The following C2orf76 variants were observed in gnomAD, a reference collection of about 807,000 sequenced individuals.
C2orf76 encodes UPF0538 protein C2orf76.
Under a neutral mutation model 16.9 loss-of-function variants are expected in C2orf76, and 23 were observed. That is an observed-to-expected ratio of 1.36 (90% CI 0.98 to 1.93). C2orf76 has a LOEUF of 1.93. Ranked by LOEUF, C2orf76 falls within the 30% of genes most tolerant of loss-of-function variation. The pLI, the probability that C2orf76 is intolerant of heterozygous loss-of-function variation, is 0.00. For synonymous variants in C2orf76, 48 were observed against 52.3 expected, an observed-to-expected ratio of 0.92 and a Z score of 0.35; for missense variants, 152 against 152.6, an observed-to-expected ratio of 1.00 and a Z score of 0.02.
At chr2:119,315,407 G>C (rs1679137610) in intron 4 of C2orf76, among the ~76,000 whole-genome samples, 1 of 152,150 alleles carries the variant, frequency 6.6e-6, no homozygotes, top group Admixed American at 6.6e-5. Context: ...AGCTGACGAA[G>C]GAGATTAAAA....
intron 5 of C2orf76, among the ~76,000 whole-genome samples, chr2:119,304,722 TG>T (rs1393200379): frequency 1.3e-5 from 2 of 152,220 alleles, no homozygotes; most frequent in African/African-American, 2.4e-5. Flanking sequence ...AAACATTAAA[TG>T]GGTTTTAAAT....
At chr2:119,317,368 G>T in intron 4 of C2orf76, 98 bp downstream of exon 4, 1 of 830,518 alleles carries the variant, frequency 1.2e-6, no homozygotes, top group South Asian at 2.9e-5. Context: ...ATTATAATGG[G>T]AAATATTTTA....
At chr2:119,360,558 T>C (rs1680713946) in intron 1 of C2orf76, among the ~76,000 whole-genome samples, 1 of 151,092 alleles carries the variant, frequency 6.6e-6, no homozygotes. Context: ...ACTATACGTA[T>C]AGTGTAAACA....
intron 2 of C2orf76, among the ~76,000 whole-genome samples, chr2:119,323,953 T>C (rs1053312005): frequency 3.9e-5 from 6 of 152,224 alleles, no homozygotes; most frequent in Admixed American, 1.3e-4. Flanking sequence ...GCCTGCCAGA[T>C]ACCAATTTGA....
chr2:119,348,046 C>CAAA (rs1205382710), intron 1 of C2orf76, among the ~76,000 whole-genome samples: 33 of 81,922 alleles, frequency 4.0e-4, no homozygotes, highest in African/African-American at 8.4e-4. Flanking sequence ...GGCTCTGTCT[C>CAAA]AAAAAAAAAA....
At chr2:119,348,581 G>A (rs1680280463) in intron 1 of C2orf76, among the ~76,000 whole-genome samples, 1 of 152,170 alleles carries the variant, frequency 6.6e-6, no homozygotes, top group Non-Finnish European at 1.5e-5. Context: ...AGCTACTCGG[G>A]AGGCTGAGGA....
At chr2:119,325,116 G>A (rs1009331232) in intron 2 of C2orf76, among the ~76,000 whole-genome samples, 5 of 151,746 alleles carry the variant, frequency 3.3e-5, no homozygotes, top group African/African-American at 1.2e-4. Context: ...CAGGAGGATC[G>A]CTTAAGTCCG....
chr2:119,304,027 A>G (rs989258519), intron 5 of C2orf76, among the ~76,000 whole-genome samples: 3 of 152,340 alleles, frequency 2.0e-5, no homozygotes, highest in Middle Eastern at 3.4e-3. Context: ...ACTCCTCCAC[A>G]CTTGGAATCA....
intron 4 of C2orf76, among the ~76,000 whole-genome samples, 192 bp downstream of exon 4, chr2:119,317,274 C>G (rs569018512): frequency 6.6e-6 from 1 of 151,766 alleles, no homozygotes; most frequent in Non-Finnish European, 1.5e-5. Flanking sequence ...TAAAAAGGAC[C>G]TACTACTAAC....
At chr2:119,345,522 A>G (rs1033087656) in intron 1 of C2orf76, among the ~76,000 whole-genome samples, 2 of 152,224 alleles carry the variant, frequency 1.3e-5, no homozygotes, top group African/African-American at 4.8e-5. Context: ...GAAGAGAATC[A>G]TATCAATTAT....
intron 1 of C2orf76, among the ~76,000 whole-genome samples, chr2:119,348,928 C>A (rs1229453952): frequency 6.6e-6 from 1 of 151,222 alleles, no homozygotes; most frequent in Non-Finnish European, 1.5e-5. Context: ...CAGAGGTTGC[C>A]AAGAGCCAAG....
chr2:119,293,592 T>C, the C2orf76 span, among the ~76,000 whole-genome samples: 1 of 151,740 alleles, frequency 6.6e-6, no homozygotes, highest in Non-Finnish European at 1.5e-5. Flanking sequence ...TGTAGTGGGG[T>C]AGAAGTGAGA....
downstream of C2orf76, among the ~76,000 whole-genome samples, chr2:119,298,518 T>C (rs981546382): frequency 1.3e-5 from 2 of 152,026 alleles, no homozygotes; most frequent in Non-Finnish European, 2.9e-5. Flanking sequence ...CCACCCTTTC[T>C]TCTAGCCTAC....
chr2:119,344,022 T>G (rs1238403828), intron 1 of C2orf76, among the ~76,000 whole-genome samples: 4 of 152,174 alleles, frequency 2.6e-5, no homozygotes, highest in Non-Finnish European at 5.9e-5. Context: ...CATGAAACTG[T>G]TTTTCACAAT....
downstream of C2orf76, among the ~76,000 whole-genome samples, chr2:119,299,075 C>T (rs1367710378): frequency 2.0e-5 from 3 of 151,764 alleles, no homozygotes; most frequent in Admixed American, 6.6e-5. Flanking sequence ...ATTACCACAC[C>T]CAGCTAATTT....
intron 1 of C2orf76, among the ~76,000 whole-genome samples, chr2:119,353,173 A>C (rs562857043): frequency 1.3e-5 from 2 of 152,276 alleles, no homozygotes; most frequent in South Asian, 4.1e-4. Flanking sequence ...CAAAAAAAAA[A>C]TGTTGTTTAA....
At chr2:119,359,410 A>T (rs1250630882) in intron 1 of C2orf76, among the ~76,000 whole-genome samples, 1 of 152,250 alleles carries the variant, frequency 6.6e-6, no homozygotes, top group Non-Finnish European at 1.5e-5. Flanking sequence ...ATTATTTAAG[A>T]AAATACATCT....
intron 2 of C2orf76, among the ~76,000 whole-genome samples, chr2:119,331,496 T>C (rs1679676434): frequency 6.6e-6 from 1 of 152,212 alleles, no homozygotes; most frequent in African/African-American, 2.4e-5. Context: ...ACACTCTGCA[T>C]ATCTTCAAAG....
chr2:119,302,716 C>T (rs1285245882), intron 5 of C2orf76, among the ~76,000 whole-genome samples, 168 bp from the exon 6 acceptor site: 2 of 152,042 alleles, frequency 1.3e-5, no homozygotes, highest in African/African-American at 4.8e-5. Flanking sequence ...ACCAAATCAA[C>T]AAGAAGTTTC....
Sources: allele counts gnomAD v4.1 joint callset (sites outside exome capture counted in the v4.1 genomes callset), GRCh38; gene constraint gnomAD v4.1.1; transcripts MANE v1.5; gene names NCBI Gene and HGNC (gene_info 2026-07-23, HGNC 2026-07-21).